The following ATP2B1 variants were observed in gnomAD, a reference collection of about 807,000 sequenced individuals.
ATP2B1 encodes the protein plasma membrane calcium-transporting ATPase 1.
Under a neutral mutation model 124.2 loss-of-function variants are expected in ATP2B1, and 14 were observed. The observed-to-expected ratio is 0.11, with a 90% CI of 0.07 to 0.18. The LOEUF (loss-of-function observed/expected upper bound fraction) is 0.18, where lower values mean the gene tolerates loss of function less well. Among genes scored for constraint, ATP2B1 ranks in the 10% least tolerant of loss-of-function variants. ATP2B1 has a pLI of 1.00. For synonymous variants in ATP2B1, 449 were observed against 492.4 expected, an observed-to-expected ratio of 0.91 and a Z score of 1.17; for missense variants, 763 against 1,466.1, an observed-to-expected ratio of 0.52 and a Z score of 7.83.
chr12:89,680,823 A>G (rs563827094), intron 1 of ATP2B1, among the ~76,000 whole-genome samples: 7 of 152,310 alleles, frequency 4.6e-5, no homozygotes, highest in Admixed American at 1.3e-4. Context: ...AAATCCCCAG[A>G]GCATCCGAAC....
chr12:89,609,788 TAAACCA>T (rs1877646756), intron 15 of ATP2B1, 143 bp downstream of exon 15: 3 of 635,868 alleles, frequency 4.7e-6, no homozygotes, highest in Non-Finnish European at 7.9e-6. Flanking sequence ...ATTAGACTTA[TAAACCA>T]ATTTAAGCTT....
intron 1 of ATP2B1, among the ~76,000 whole-genome samples, chr12:89,681,379 TAA>T (rs201591918): frequency 2.0e-5 from 2 of 98,850 alleles, no homozygotes; most frequent in Admixed American, 1.3e-4. Context: ...AAAATCCCTA[TAA>T]ATTTTTTTTT....
chr12:89,697,688 TTTA>T lies in ATP2B1; in HGVS notation c.-222+10905_-222+10907del, dbSNP rs1292776059. Among the ~76,000 whole-genome samples, 172 of 94,022 alleles carry T rather than the reference TTTA, an allele frequency of 1.8e-3. 1 individual carries two copies. The highest frequency in any genetic ancestry group is 6.1e-3 in the African/African-American group (158 of 26,036). 61.7% of individuals were successfully genotyped at this position (94,022 alleles called of 152,430 possible). A position where few individuals can be genotyped will look rare whatever the true frequency, so the allele number is the denominator to read the frequency against. ...CAAAAGGCTTTTTTTTTTTTTTTTT[TTTA>T]AATATTAGCAGTCCTCTTAGTTCCT... On this transcript the variant is annotated intron_variant, in intron 1 of 20. Transcript: ENST00000428670.
intron 1 of ATP2B1, among the ~76,000 whole-genome samples, chr12:89,670,566 T>A (rs1887836073): frequency 6.6e-6 from 1 of 152,100 alleles, no homozygotes; most frequent in Admixed American, 6.5e-5. Context: ...CAACAGGCAT[T>A]CTGACTTTGA....
At position 89,698,059 on chromosome 12, in the gene ATP2B1, C is replaced by G. The variant is rs146828988; in HGVS notation, c.-222+10537G>C. Among the ~76,000 whole-genome samples the G allele has an allele frequency of 9.2e-5, 14 of 152,148 alleles. No individual in the cohort carries two copies. The East Asian group carries it at 2.7e-3, about 29-fold the overall frequency. On this transcript the variant is annotated intron_variant, in intron 1 of 20. Transcript: ENST00000428670. Reference sequence around the variant, plus strand: ...CTAATTTTTGTATTTTTAGTAAAGACGGGGTTTCACCATTTTGGCCAGGCT... The same window carrying G: ...CTAATTTTTGTATTTTTAGTAAAGAGGGGGTTTCACCATTTTGGCCAGGCT...
chr12:89,609,711 T>C (rs1877631637), intron 15 of ATP2B1, among the ~76,000 whole-genome samples: 1 of 152,202 alleles, frequency 6.6e-6, no homozygotes, highest in Non-Finnish European at 1.5e-5. Flanking sequence ...TACAATATTA[T>C]TAAATTGCTC....
chr12:89,602,103 C>T (rs1047453798), intron 18 of ATP2B1, among the ~76,000 whole-genome samples: 2 of 151,998 alleles, frequency 1.3e-5, no homozygotes, highest in African/African-American at 4.8e-5. Flanking sequence ...GCTTGTTATT[C>T]TAAAAGGCCT....
At chr12:89,706,873 C>T (rs1208685235) in intron 1 of ATP2B1, among the ~76,000 whole-genome samples, 1 of 152,026 alleles carries the variant, frequency 6.6e-6, no homozygotes, top group Non-Finnish European at 1.5e-5. Flanking sequence ...TTTGCAGTTA[C>T]ACCCAAGCCA....
intron 1 of ATP2B1, among the ~76,000 whole-genome samples, chr12:89,665,277 T>C (rs1334865719): frequency 1.3e-5 from 2 of 152,186 alleles, no homozygotes; most frequent in Admixed American, 6.5e-5. Context: ...CAAATATACA[T>C]AAACACTGCA....
intron 2 of ATP2B1, 138 bp from the exon 3 acceptor site, chr12:89,642,493 TAAATC>T (rs1426975575): frequency 3.6e-6 from 3 of 836,790 alleles, no homozygotes; most frequent in Non-Finnish European, 5.5e-6. Context: ...GTACAGAATT[TAAATC>T]ACTGAAAAAC....
chr12:89,599,310 G>C lies in ATP2B1; in HGVS notation c.3169-11C>G. 1.9e-6 allele frequency: 3 copies of C among 1,612,536 alleles called. No homozygotes were observed. The highest frequency in any genetic ancestry group is 2.5e-6 in the Non-Finnish European group (3 of 1,179,108). On this transcript the variant is annotated splice_polypyrimidine_tract_variant and intron_variant, in intron 19 of 20. Coordinates refer to ENST00000428670, the MANE Select transcript of ATP2B1 (RefSeq NM_001366521.1). ...AATTGTTGAAATAAGCTACAACACA[G>C]GGGAATGAACTTAGAAATAAATCAT...
intron 2 of ATP2B1, among the ~76,000 whole-genome samples, chr12:89,649,283 G>GTA (rs1884925448): frequency 6.6e-6 from 1 of 152,256 alleles, no homozygotes; most frequent in African/African-American, 2.4e-5. Context: ...CCTAAGAGTA[G>GTA]CCACAGGGGC....
intron 3 of ATP2B1, among the ~76,000 whole-genome samples, chr12:89,639,431 G>A (rs1393421047): frequency 6.6e-6 from 1 of 152,026 alleles, no homozygotes. Flanking sequence ...TTGAACCTTG[G>A]AGATGGAGGT....
intron 2 of ATP2B1, among the ~76,000 whole-genome samples, chr12:89,644,533 TGAAAAAAAAAAA>T (rs1185779680): frequency 1.3e-5 from 2 of 148,618 alleles, no homozygotes; most frequent in Admixed American, 6.7e-5. Context: ...ATTTCTCAGT[TGAAAAAAAAAAA>T]GAAAAAAAAA....
intron 1 of ATP2B1, among the ~76,000 whole-genome samples, chr12:89,690,210 T>C (rs1890401426): frequency 6.6e-6 from 1 of 152,114 alleles, no homozygotes; most frequent in Non-Finnish European, 1.5e-5. Context: ...CTACCAAGAA[T>C]TAACTTAAAT....
At chr12:89,688,230 T>C (rs1020521317) in intron 1 of ATP2B1, among the ~76,000 whole-genome samples, 5 of 152,140 alleles carry the variant, frequency 3.3e-5, no homozygotes, top group Admixed American at 6.5e-5. Context: ...GCACTTCATT[T>C]CATGTAACTG....
At chr12:89,703,126 A>T (rs1170612156) in intron 1 of ATP2B1, among the ~76,000 whole-genome samples, 2 of 152,184 alleles carry the variant, frequency 1.3e-5, no homozygotes, top group African/African-American at 2.4e-5. Flanking sequence ...TTTGAAATTA[A>T]TTTTATTATA....
Position 89,620,035 on chromosome 12 carries a change from A to G in ATP2B1, c.1793T>C (p.Ile598Thr). The G allele has an allele frequency of 6.2e-7, 1 of 1,614,062 alleles. No individual in the cohort carries two copies. ...VLKNSDGSYRIFSKGASEIIL... is the reference protein window; with the variant it reads ...VLKNSDGSYRTFSKGASEIIL... ...TATCTCAGATGCACCCTTGCTGAATATTCGATAACTTCCATCTGAATTTTT... is the reference window on the plus strand; with the variant it reads ...TATCTCAGATGCACCCTTGCTGAATGTTCGATAACTTCCATCTGAATTTTT... The change falls in exon 11 of 21, where the codon ATA (isoleucine) becomes ACA (threonine). Residue 598 changes from isoleucine to threonine, a missense_variant. This residue lies in a region of ATP2B1 where 392 missense variants were observed against 776.6 expected (regional missense o/e 0.50). Coordinates refer to ENST00000428670, the MANE Select transcript of ATP2B1 (RefSeq NM_001366521.1).
At chr12:89,608,820 A>G (rs1877457339) in intron 15 of ATP2B1, among the ~76,000 whole-genome samples, 2 of 152,344 alleles carry the variant, frequency 1.3e-5, no homozygotes, top group African/African-American at 2.4e-5. Flanking sequence ...GCCTACAGCA[A>G]AAGGAAGAGC....
Sources: allele counts gnomAD v4.1 joint callset (sites outside exome capture counted in the v4.1 genomes callset), GRCh38; gene constraint gnomAD v4.1.1; regional missense constraint gnomAD v4.1.1; transcripts MANE v1.5; gene names NCBI Gene and HGNC (gene_info 2026-07-23, HGNC 2026-07-21).